The following IAH1 variants were observed in gnomAD, a reference collection of about 807,000 sequenced individuals.
IAH1 encodes the protein isoamyl acetate-hydrolyzing esterase 1 homolog.
In IAH1, 24 loss-of-function variants were observed where a neutral mutation model predicts 26.7. The observed-to-expected ratio is 0.90, with a 90% CI of 0.65 to 1.26. IAH1 has a LOEUF of 1.26. Ranked by LOEUF, IAH1 falls within the 50% of genes most tolerant of loss-of-function variation. The pLI, the probability that IAH1 is intolerant of heterozygous loss-of-function variation, is 0.00. For missense variants in IAH1, 300 were observed against 299.9 expected (o/e 1.00, Z 0.00); for synonymous variants, 140 against 118.5 (o/e 1.18, Z -1.18).
At chr2:9,487,819 TGTGTGTGTGTGTGTGCGCGC>T (rs796603676) in intron 5 of IAH1, among the ~76,000 whole-genome samples, 145 of 107,648 alleles carry the variant, frequency 1.3e-3, no homozygotes, top group Middle Eastern at 0.012. Flanking sequence ...TGTGTGTGTG[TGTGTGTGTGTGTGTGCGCGC>T]GCGCGCGCGC....
At chr2:9,490,928 C>T (rs151334509), downstream of IAH1, among the ~76,000 whole-genome samples, 66 of 152,260 alleles carry the variant, frequency 4.3e-4, no homozygotes, top group Admixed American at 2.5e-3. Context: ...TGCAACTAAT[C>T]GAAGTTCACC....
chr2:9,501,269 C>A (rs896211280), downstream of IAH1, among the ~76,000 whole-genome samples: 1 of 151,936 alleles, frequency 6.6e-6, no homozygotes, highest in African/African-American at 2.4e-5. Context: ...AAAGTAAGAA[C>A]AAGAGATTAC....
At chr2:9,510,380 G>A in the IAH1 span, among the ~76,000 whole-genome samples, 3 of 152,018 alleles carry the variant, frequency 2.0e-5, no homozygotes, top group Non-Finnish European at 2.9e-5. Flanking sequence ...ATATTAACCA[G>A]GTGGGCTAGG....
intron 2 of IAH1, 115 bp from the exon 3 acceptor site, chr2:9,478,107 C>G (rs1572833579): frequency 1.1e-6 from 1 of 875,510 alleles, no homozygotes; most frequent in East Asian, 2.8e-5. Context: ...GGGGGTGGCT[C>G]AGAGACACGT....
chr2:9,483,871 T>C (rs1003749844), intron 4 of IAH1, among the ~76,000 whole-genome samples: 6 of 152,230 alleles, frequency 3.9e-5, no homozygotes, highest in African/African-American at 1.4e-4. Flanking sequence ...ATCATAAGAA[T>C]GCAGAAAGCT....
rs141699199 is a variant in IAH1, at chr2:9,489,071, A to C, written c.*742A>C. 6.6e-6 allele frequency: 1 copy of C among 152,296 alleles called. No homozygotes were observed. Among genetic ancestry groups the C allele is most frequent in the Non-Finnish European group, 1.5e-5 (1 of 68,018 alleles). The allele number at this position is 152,296 out of a possible 1,614,324, so 9.4% of individuals were successfully genotyped here. On this transcript the variant is annotated 3_prime_UTR_variant, in exon 6 of 6. Transcript: ENST00000497473. ...AATAAAAAGGGTTTCTGAAGTATCA[A>C]GTCTTGTGGGGACAGCCCCCAACCC...
chr2:9,495,747 A>C (rs1256317438), intron 6 of IAH1, among the ~76,000 whole-genome samples: 2 of 151,748 alleles, frequency 1.3e-5, no homozygotes, highest in African/African-American at 2.4e-5. Context: ...ATCATTCACT[A>C]ATTTATAAAA....
downstream of IAH1, chr2:9,489,981 T>C (rs377317204): frequency 1.9e-6 from 1 of 515,152 alleles, no homozygotes; most frequent in African/African-American, 1.9e-5. Flanking sequence ...ATAAGCTAGA[T>C]TCACCTTCAC....
Position 9,474,697 on chromosome 2 carries a change from C to T in IAH1, c.81+50C>T, listed in dbSNP as rs776125989. ...TCCCGCCCCGGCCTCCCTGCGGGGT[C>T]GCTGCCGAGCAGGCCGAGGCTCCTC... is the stretch of plus-strand genomic sequence containing the variant. On this transcript the variant is annotated intron_variant, in intron 1 of 5. Coordinates refer to ENST00000497473, the MANE Select transcript of IAH1 (RefSeq NM_001039613.3). This position sits in a 1 kb window ranked among gnomAD's most constrained non-coding sequence, Gnocchi z 4.3. 20 of 1,382,506 alleles carry T rather than the reference C, an allele frequency of 1.4e-5. No individual in the cohort carries two copies. In the South Asian group the frequency reaches 1.7e-4, roughly 11 times the overall value. The allele number at this position is 1,382,506 out of a possible 1,614,324, so 85.6% of individuals were successfully genotyped here.
At chr2:9,511,323 G>C in the IAH1 span, among the ~76,000 whole-genome samples, 1 of 152,150 alleles carries the variant, frequency 6.6e-6, no homozygotes, top group South Asian at 2.1e-4. Context: ...GGTGGCGCAC[G>C]CCTGTAATCC....
chr2:9,499,113 CTTTT>C (rs59259119), downstream of IAH1, among the ~76,000 whole-genome samples: 1 of 47,540 alleles, frequency 2.1e-5, no homozygotes, highest in Non-Finnish European at 9.7e-5. Flanking sequence ...CTTTCTTCTT[CTTTT>C]TTTTTTTTTT....
downstream of IAH1, among the ~76,000 whole-genome samples, chr2:9,500,269 T>TA (rs1491508912): frequency 2.0e-5 from 3 of 152,218 alleles, no homozygotes; most frequent in African/African-American, 7.2e-5. Flanking sequence ...TTAAAAATGC[T>TA]ATGTTCAGTG....
At chr2:9,512,220 C>T in the IAH1 span, 2 of 151,772 alleles carry the variant, frequency 1.3e-5, no homozygotes, top group East Asian at 1.9e-4. Context: ...CTCCTAACTG[C>T]TTGGGGAAAA....
chr2:9,492,981 A>C, downstream of IAH1: 2 of 1,610,006 alleles, frequency 1.2e-6, no homozygotes, highest in Non-Finnish European at 1.7e-6. Flanking sequence ...TCTGCTAAAA[A>C]CTTTCCTGTG....
chr2:9,502,749 C>T, the IAH1 span, among the ~76,000 whole-genome samples: 692 of 151,110 alleles, frequency 4.6e-3, 9 homozygotes, highest in African/African-American at 0.016. Context: ...CGTGGTGGTG[C>T]GCTCCTGTAA....
chr2:9,479,112 A>G (rs1237680794), intron 3 of IAH1, among the ~76,000 whole-genome samples: 2 of 152,194 alleles, frequency 1.3e-5, no homozygotes, highest in Non-Finnish European at 2.9e-5. Flanking sequence ...CTTGCTCTCT[A>G]GGAGAAAGAT....
chr2:9,494,736 C>T, downstream of IAH1: 4 of 1,614,094 alleles, frequency 2.5e-6, no homozygotes, highest in Non-Finnish European at 2.5e-6. Flanking sequence ...CAGAAAGGTC[C>T]CTGCAGCACA....
intron 2 of IAH1, among the ~76,000 whole-genome samples, chr2:9,477,344 A>G (rs958266129): frequency 2.6e-5 from 4 of 152,250 alleles, no homozygotes; most frequent in South Asian, 2.1e-4. Flanking sequence ...TTTACTAATC[A>G]TAAGTTGAAC....
chr2:9,490,497 T>C, downstream of IAH1: 2 of 1,613,410 alleles, frequency 1.2e-6, no homozygotes, highest in Non-Finnish European at 1.7e-6. Context: ...GCAGAATCCA[T>C]GCTGCTCAGC....
Sources: gnomAD v4.1 joint callset for allele counts (sites outside exome capture counted in the v4.1 genomes callset) on GRCh38, gnomAD v4.1.1 for gene constraint, Gnocchi (gnomAD v3.1) non-coding constraint, MANE v1.5 for transcripts, NCBI Gene and HGNC (gene_info 2026-07-23, HGNC 2026-07-21) for gene names.